ERC2: variants seen among roughly 807,000 people sequenced by gnomAD.
ERC2 encodes the protein ERC protein 2.
ERC2 carries 42 observed loss-of-function variants against 114.8 expected under a neutral mutation model. The ratio of observed to expected loss-of-function variants is 0.37; its 90% CI spans 0.29 to 0.47. The LOEUF is 0.47. ERC2 is among the 20% of genes least tolerant of loss of function. The pLI is 0.99. For missense variants in ERC2, 939 were observed against 1,150.7 expected, an observed-to-expected ratio of 0.82 and a Z score of 2.66; for synonymous variants, 454 against 425.5, an observed-to-expected ratio of 1.07 and a Z score of -0.82.
chr3:56,330,230 G>C (rs1479307244), intron 2 of ERC2, among the ~76,000 whole-genome samples: 1 of 152,086 alleles, frequency 6.6e-6, no homozygotes, highest in Non-Finnish European at 1.5e-5. Context: ...TTAGAGACAA[G>C]GTTTCGCTAT....
At chr3:55,995,587 A>T (rs1479560036) in intron 10 of ERC2, among the ~76,000 whole-genome samples, 1 of 152,208 alleles carries the variant, frequency 6.6e-6, no homozygotes, top group Non-Finnish European at 1.5e-5. Context: ...TTGGATCATT[A>T]CTAGGGTCCA....
intron 6 of ERC2, among the ~76,000 whole-genome samples, chr3:56,134,208 C>T (rs932204662): frequency 5.3e-5 from 8 of 152,118 alleles, no homozygotes; most frequent in East Asian, 1.9e-4. Context: ...TCTATTTCTT[C>T]GTGTCTTCTT....
intron 14 of ERC2, among the ~76,000 whole-genome samples, chr3:55,769,298 T>C (rs2149019411): frequency 6.6e-6 from 1 of 152,126 alleles, no homozygotes. Context: ...TTGGGGGCAG[T>C]TTGGGAGCTG....
chr3:55,698,813 A>G (rs1175464766), intron 16 of ERC2, among the ~76,000 whole-genome samples: 1 of 152,208 alleles, frequency 6.6e-6, no homozygotes, highest in East Asian at 1.9e-4. Flanking sequence ...GTAAAACCAC[A>G]GGCGGTTTTT....
chr3:55,716,315 T>C (rs754967656), intron 15 of ERC2, among the ~76,000 whole-genome samples: 1 of 152,168 alleles, frequency 6.6e-6, no homozygotes, highest in Non-Finnish European at 1.5e-5. Context: ...ATCTCAACTC[T>C]TGTGCTTCCC....
At chr3:56,215,775 G>T (rs938037163) in intron 3 of ERC2, among the ~76,000 whole-genome samples, 4 of 152,154 alleles carry the variant, frequency 2.6e-5, no homozygotes, top group Non-Finnish European at 4.4e-5. Context: ...TAAAAGAAAA[G>T]AAATTAAAAC....
chr3:56,339,896 G>A (rs1275854105), intron 2 of ERC2, among the ~76,000 whole-genome samples: 1 of 152,140 alleles, frequency 6.6e-6, no homozygotes, highest in Non-Finnish European at 1.5e-5. Context: ...AGCCACCACA[G>A]CCTCCGGGCT....
At chr3:56,375,758 T>C (rs933901799) in intron 2 of ERC2, among the ~76,000 whole-genome samples, 1 of 152,228 alleles carries the variant, frequency 6.6e-6, no homozygotes, top group Admixed American at 6.5e-5. Context: ...CTCTACTTGA[T>C]TGTGGCCTCG....
chr3:56,348,608 T>C (rs1399803163), intron 2 of ERC2, among the ~76,000 whole-genome samples: 2 of 151,254 alleles, frequency 1.3e-5, no homozygotes, highest in African/African-American at 4.8e-5. Context: ...ATCTGCAGGT[T>C]CTTAAACATT....
At chr3:56,176,734 A>G (rs2082999273) in intron 3 of ERC2, among the ~76,000 whole-genome samples, 2 of 152,052 alleles carry the variant, frequency 1.3e-5, no homozygotes. Context: ...CACTTCACCT[A>G]TCTTTGAGAT....
At chr3:55,621,102 T>C (rs2059306512) in intron 17 of ERC2, among the ~76,000 whole-genome samples, 1 of 152,094 alleles carries the variant, frequency 6.6e-6, no homozygotes, top group Non-Finnish European at 1.5e-5. Flanking sequence ...CCATACCCCA[T>C]TTCCATTCTG....
At chr3:56,367,089 C>G (rs2059178038) in intron 2 of ERC2, among the ~76,000 whole-genome samples, 1 of 152,174 alleles carries the variant, frequency 6.6e-6, no homozygotes, top group African/African-American at 2.4e-5. Flanking sequence ...GAAAAAAACT[C>G]TTGCTTCTTA....
intron 13 of ERC2, among the ~76,000 whole-genome samples, chr3:55,926,415 T>TTA (rs112688151): frequency 9.4e-5 from 14 of 148,382 alleles, no homozygotes; most frequent in African/African-American, 3.2e-4. Context: ...TTTTTGTTTT[T>TTA]AAAAAAAAAA....
intron 6 of ERC2, among the ~76,000 whole-genome samples, chr3:56,136,614 C>T (rs553915924): frequency 3.7e-4 from 56 of 152,188 alleles, no homozygotes; most frequent in Non-Finnish European, 7.4e-4. Flanking sequence ...CACCACACAG[C>T]AGGTAGAAAG....
intron 2 of ERC2, among the ~76,000 whole-genome samples, chr3:56,363,282 T>C (rs1212824956): frequency 2.0e-5 from 3 of 152,196 alleles, no homozygotes; most frequent in African/African-American, 4.8e-5. Context: ...GAACAAGCCA[T>C]TCACCACATA....
chr3:56,056,078 A>G (rs2075999871), intron 7 of ERC2, among the ~76,000 whole-genome samples: 1 of 152,238 alleles, frequency 6.6e-6, no homozygotes, highest in South Asian at 2.1e-4. Flanking sequence ...CAGCAAATTC[A>G]TCTCTGGTAT....
intron 17 of ERC2, among the ~76,000 whole-genome samples, chr3:55,617,044 G>A (rs2059149685): frequency 6.6e-6 from 1 of 152,180 alleles, no homozygotes; most frequent in Admixed American, 6.5e-5. Context: ...AGAAAAGGAA[G>A]AAGTGATTGC....
chr3:55,556,687 C>T (rs551840785), intron 17 of ERC2, among the ~76,000 whole-genome samples: 3 of 152,298 alleles, frequency 2.0e-5, no homozygotes, highest in Non-Finnish European at 4.4e-5. Context: ...AACCAACACA[C>T]GCAGGACAGG....
chr3:56,160,755 C>A (rs931610181), intron 4 of ERC2, among the ~76,000 whole-genome samples: 1 of 152,110 alleles, frequency 6.6e-6, no homozygotes. Context: ...CCATTATTTA[C>A]CTTTGTCAAT....
Sources: allele counts gnomAD v4.1 joint callset (sites outside exome capture counted in the v4.1 genomes callset), GRCh38; gene constraint gnomAD v4.1.1; transcripts MANE v1.5; gene names NCBI Gene and HGNC (gene_info 2026-07-23, HGNC 2026-07-21).